TBL1X: variants seen among roughly 807,000 people sequenced by gnomAD.
TBL1X encodes the protein F-box-like/WD repeat-containing protein TBL1X.
In TBL1X, 10 loss-of-function variants were observed where a neutral mutation model predicts 50.7. The observed-to-expected ratio is 0.20, with a 90% CI of 0.12 to 0.33. The LOEUF is 0.33. TBL1X is among the 10% of genes least tolerant of loss of function. The pLI is 1.00. For synonymous variants in TBL1X, 190 were observed against 214.7 expected, an observed-to-expected ratio of 0.88 and a Z score of 1.01; for missense variants, 340 against 504.4, an observed-to-expected ratio of 0.67 and a Z score of 3.12.
chrX:9,503,935 A>C (rs1409993492), intron 2 of TBL1X, among the ~76,000 whole-genome samples: 1 of 111,969 alleles, frequency 8.9e-6, no homozygotes, highest in African/African-American at 3.2e-5. Context: ...CCACCAAGGG[A>C]CAGAGTGCTC....
intron 1 of TBL1X, among the ~76,000 whole-genome samples, chrX:9,492,887 GTGTGTGT>G (rs1223197173): frequency 0.14 from 4,481 of 32,356 alleles, 304 homozygotes; most frequent in Admixed American, 0.22. Flanking sequence ...GTGTGTGTGT[GTGTGTGT>G]GTGTAGGGGA....
In TBL1X at chrX:9,697,360, G is replaced by A. The variant is rs2083137992; in HGVS notation, c.1054-9G>A. 8.3e-7 allele frequency: 1 copy of A among 1,208,545 alleles called. No homozygotes were observed. The highest frequency in any genetic ancestry group is 1.1e-6 in the Non-Finnish European group (1 of 894,728). On this transcript the variant is annotated splice_polypyrimidine_tract_variant and intron_variant, in intron 11 of 17. Coordinates refer to ENST00000645353, the MANE Select transcript of TBL1X (RefSeq NM_005647.4). ...GTTACTAACTTTTTCCTTTGTTTGC[G>A]GAACACAGACAACAATAATTTGGGA...
intron 2 of TBL1X, among the ~76,000 whole-genome samples, chrX:9,541,451 T>A (rs192083347): frequency 4.1e-4 from 46 of 111,919 alleles, no homozygotes; most frequent in African/African-American, 1.3e-3. Flanking sequence ...TTGGAGCCCA[T>A]GGGAACTGAT....
intron 1 of TBL1X, among the ~76,000 whole-genome samples, chrX:9,495,673 C>CA (rs2081967635): frequency 9.0e-6 from 1 of 111,404 alleles, no homozygotes; most frequent in Non-Finnish European, 1.9e-5. Context: ...CACTGTGACT[C>CA]ACGCCTGGCC....
At chrX:9,660,606 T>G (rs1373537495) in intron 5 of TBL1X, among the ~76,000 whole-genome samples, 1 of 111,497 alleles carries the variant, frequency 9.0e-6, no homozygotes, top group Admixed American at 9.5e-5. Context: ...AGAGGCCAAT[T>G]TATTATACAT....
chrX:9,538,216 G>GT (rs2082198738), intron 2 of TBL1X, among the ~76,000 whole-genome samples: 1 of 111,300 alleles, frequency 9.0e-6, no homozygotes, highest in Non-Finnish European at 1.9e-5. Flanking sequence ...TAATGTCTGG[G>GT]TTTTTTCCAC....
At chrX:9,533,959 A>G (rs1447494716) in intron 2 of TBL1X, among the ~76,000 whole-genome samples, 1 of 111,362 alleles carries the variant, frequency 9.0e-6, no homozygotes, top group Admixed American at 9.4e-5. Context: ...ACAGTGAAGC[A>G]CCGGCTTGCC....
At chrX:9,603,353 A>G (rs3752627) in intron 2 of TBL1X, among the ~76,000 whole-genome samples, 52,833 of 111,337 alleles carry the variant, frequency 0.47, 10,020 homozygotes, top group African/African-American at 0.73. Context: ...AATAACGATT[A>G]TACTGTTTTA....
chrX:9,559,379 G>C (rs982264071), intron 2 of TBL1X, among the ~76,000 whole-genome samples: 10 of 111,238 alleles, frequency 9.0e-5, no homozygotes, highest in African/African-American at 3.3e-4. Context: ...ATGGTGCTGT[G>C]GCTTTTTGGA....
intron 5 of TBL1X, among the ~76,000 whole-genome samples, chrX:9,665,170 A>G (rs773991340): frequency 9.2e-6 from 1 of 109,165 alleles, no homozygotes; most frequent in South Asian, 4.1e-4. Context: ...AGTCCTTGTT[A>G]TTATTAAAAT....
At chrX:9,676,328 C>T (rs1316496184) in intron 5 of TBL1X, among the ~76,000 whole-genome samples, 2 of 111,777 alleles carry the variant, frequency 1.8e-5, no homozygotes, top group Non-Finnish European at 1.9e-5. Context: ...CTACCCTAGC[C>T]GAGGCCCGTC....
chrX:9,579,437 G>A (rs768851954), intron 2 of TBL1X, among the ~76,000 whole-genome samples: 7 of 112,148 alleles, frequency 6.2e-5, no homozygotes, highest in Non-Finnish European at 1.3e-4. Flanking sequence ...TACTGATAGA[G>A]TTGGAAATTG....
chrX:9,672,705 C>T (rs1294859745), intron 5 of TBL1X, among the ~76,000 whole-genome samples: 1 of 111,436 alleles, frequency 9.0e-6, no homozygotes, highest in Non-Finnish European at 1.9e-5. Flanking sequence ...CCAACTTCTC[C>T]ATTGCCATCC....
At chrX:9,672,181 T>G (rs770598061) in intron 5 of TBL1X, among the ~76,000 whole-genome samples, 1 of 112,213 alleles carries the variant, frequency 8.9e-6, no homozygotes, top group African/African-American at 3.2e-5. Context: ...AGCCTTAAAT[T>G]TCACTTCCTA....
chrX:9,529,381 A>T (rs1168190230), intron 2 of TBL1X, among the ~76,000 whole-genome samples: 1 of 111,430 alleles, frequency 9.0e-6, no homozygotes, highest in Non-Finnish European at 1.9e-5. Flanking sequence ...AGTTAAAGGC[A>T]GTCCTGAGGG....
intron 2 of TBL1X, among the ~76,000 whole-genome samples, chrX:9,519,218 C>CAT (rs1328933569): frequency 2.7e-5 from 3 of 111,523 alleles, no homozygotes; most frequent in South Asian, 7.5e-4. Flanking sequence ...TGGTATACTT[C>CAT]ATATATATAC....
chrX:9,533,635 A>G (rs896268533), intron 2 of TBL1X, among the ~76,000 whole-genome samples: 10 of 111,093 alleles, frequency 9.0e-5, no homozygotes, highest in Admixed American at 1.9e-4. Context: ...AGAGGGACCT[A>G]TCGCAGACAG....
intron 12 of TBL1X, among the ~76,000 whole-genome samples, chrX:9,698,516 A>G (rs769058090): frequency 4.5e-5 from 5 of 112,060 alleles, no homozygotes; most frequent in African/African-American, 1.3e-4. Flanking sequence ...AGTTGTAACT[A>G]TGCCTGTGAA....
Position 9,471,398 on chromosome X carries a change from C to T in TBL1X, c.-201+5951C>T, listed in dbSNP as rs1175250114. Among the ~76,000 whole-genome samples the T allele has an allele frequency of 2.7e-5, 3 of 111,994 alleles. No individual in the cohort carries two copies. In the East Asian group the frequency reaches 8.4e-4, roughly 32 times the overall value. The stretch of plus-strand genomic sequence containing the variant: ...TGAGTGGCCTCAAGCCTTTTCCTCC[C>T]TCCCAGGTGTGAAGATTTGGTTTGG... On this transcript the variant is annotated intron_variant, in intron 1 of 17. Transcript: ENST00000645353.
Sources: allele counts gnomAD v4.1 joint callset (sites outside exome capture counted in the v4.1 genomes callset), GRCh38; gene constraint gnomAD v4.1.1; transcripts MANE v1.5; gene names NCBI Gene and HGNC (gene_info 2026-07-23, HGNC 2026-07-21).